Variants in PDIA3 observed in about 807,000 individuals in gnomAD.
PDIA3 encodes the protein protein disulfide-isomerase A3.
PDIA3 carries 16 observed loss-of-function variants against 56.9 expected under a neutral mutation model. The ratio of observed to expected loss-of-function variants is 0.28; its 90% CI spans 0.19 to 0.43. The LOEUF (loss-of-function observed/expected upper bound fraction) is 0.43, where lower values mean the gene tolerates loss of function less well. Ranked by LOEUF, PDIA3 falls within the 20% of genes least tolerant of loss-of-function variation. The pLI, the probability that PDIA3 is intolerant of heterozygous loss-of-function variation, is 1.00. For missense variants in PDIA3, 485 were observed against 621.3 expected (o/e 0.78, Z 2.33); for synonymous variants, 192 against 216.5 (o/e 0.89, Z 0.99).
At chr15:43,758,829 T>A (rs2086796334) in intron 3 of PDIA3, among the ~76,000 whole-genome samples, 2 of 151,374 alleles carry the variant, frequency 1.3e-5, no homozygotes, top group Non-Finnish European at 2.9e-5. Context: ...ATACAAAAAT[T>A]AGCTGGGCGT....
At position 43,756,753 on chromosome 15, in the gene PDIA3, AC is replaced by A; in HGVS notation, c.353del (p.Pro118LeufsTer11). ...DGEEAGAYDG[P>X]RTADGIVSHL... ...GTGAAGAAGCAGGTGCTTATGATGG[AC>A]CTAGGACTGCTGGTAAGGATCCTGA... On this transcript the variant is annotated frameshift_variant, in exon 3 of 13. Transcript: ENST00000300289. LOFTEE classifies it high-confidence loss of function. 6.4e-7 allele frequency: 1 copy of A among 1,570,424 alleles called. No individual in the cohort carries two copies. The highest frequency in any genetic ancestry group is 8.8e-7 in the Non-Finnish European group (1 of 1,142,322).
chr15:43,768,742 C>A, intron 9 of PDIA3, 145 bp downstream of exon 9: 1 of 614,408 alleles, frequency 1.6e-6, no homozygotes, highest in South Asian at 2.0e-5. Flanking sequence ...TAAGCATTGG[C>A]AGGCCAAGCG....
In PDIA3 at chr15:43,756,757, A is replaced by G. The variant is rs762646189; in HGVS notation, c.355A>G (p.Arg119Gly). Reference protein sequence around the residue: ...GEEAGAYDGPRTADGIVSHLK... With the variant: ...GEEAGAYDGPGTADGIVSHLK... Reference sequence around the variant, plus strand: ...AGAAGCAGGTGCTTATGATGGACCTAGGACTGCTGGTAAGGATCCTGAATT... The same window carrying G: ...AGAAGCAGGTGCTTATGATGGACCTGGGACTGCTGGTAAGGATCCTGAATT... Residue 119 changes from arginine to glycine, a missense_variant, in exon 3 of 13, where the codon AGG becomes GGG. Arg to Gly is a moderately radical substitution (Grantham distance 125, BLOSUM62 -2). Transcript: ENST00000300289. The G allele has an allele frequency of 6.4e-7, 1 of 1,555,112 alleles. No individual in the cohort carries two copies. The highest frequency in any genetic ancestry group is 8.9e-7 in the Non-Finnish European group (1 of 1,128,516).
At chr15:43,754,810 A>G (rs1048307635) in intron 2 of PDIA3, among the ~76,000 whole-genome samples, 2 of 151,988 alleles carry the variant, frequency 1.3e-5, no homozygotes, top group African/African-American at 4.8e-5. Context: ...TTCCATCTCT[A>G]CTAAAGATAC....
chr15:43,748,231 A>G (rs1235172505), intron 1 of PDIA3, among the ~76,000 whole-genome samples: 1 of 152,164 alleles, frequency 6.6e-6, no homozygotes, highest in Non-Finnish European at 1.5e-5. Flanking sequence ...TAATCCCAGC[A>G]CTTTGGGAGG....
intron 2 of PDIA3, among the ~76,000 whole-genome samples, chr15:43,756,071 G>T (rs1857736695): frequency 6.6e-6 from 1 of 152,102 alleles, no homozygotes; most frequent in African/African-American, 2.4e-5. Flanking sequence ...AAGTACTTGT[G>T]CCTGGGTTGG....
intron 2 of PDIA3, among the ~76,000 whole-genome samples, chr15:43,754,534 T>G (rs2086765095): frequency 6.6e-6 from 1 of 151,802 alleles, no homozygotes; most frequent in Non-Finnish European, 1.5e-5. Context: ...GTTTGTTGCC[T>G]GGGCAACAAA....
intron 11 of PDIA3, 92 bp from the exon 12 acceptor site, chr15:43,770,431 G>A (rs1265456580): frequency 1.8e-5 from 24 of 1,358,352 alleles, no homozygotes; most frequent in African/African-American, 1.4e-5. Context: ...ATATTCAGTT[G>A]AAGGCAGAAC....
At chr15:43,764,143 T>A (rs763127385) in intron 5 of PDIA3, among the ~76,000 whole-genome samples, 3 of 152,210 alleles carry the variant, frequency 2.0e-5, no homozygotes, top group Non-Finnish European at 4.4e-5. Context: ...TGGGAGTTAT[T>A]TATATCCTCC....
In PDIA3 at chr15:43,765,963, G is replaced by C; in HGVS notation, c.796G>C (p.Asp266His). The C allele has an allele frequency of 1.2e-6, 2 of 1,613,452 alleles. No homozygotes were observed. Among genetic ancestry groups the C allele is most frequent in the East Asian group, 2.2e-5 (1 of 44,798 alleles). ...CAAGGACTTACTTATTGCTTACTAT[G>C]ATGTGGACTATGAAAAGAACGCTAA... is the stretch of plus-strand genomic sequence containing the variant. ...QGKDLLIAYY[D>H]VDYEKNAKGS... The change falls in exon 7 of 13, where the codon GAT (aspartate) becomes CAT (histidine). Residue 266 changes from aspartate (D) to histidine (H), a missense_variant. By Grantham distance (81) the Asp-to-His change is moderately conservative. Transcript: ENST00000300289.
Position 43,766,022 on chromosome 15 carries a change from ATT to A in PDIA3, c.845+11_845+12del. ...ACTACTGGAGAAACAGGTAATAAGA[ATT>A]ATGTTTTTCCCTCATGAACAAGTTT... On this transcript the variant is annotated intron_variant, in intron 7 of 12. Coordinates refer to ENST00000300289, the MANE Select transcript of PDIA3 (RefSeq NM_005313.5). The A allele has an allele frequency of 1.9e-6, 3 of 1,612,374 alleles. No homozygotes were observed. Among genetic ancestry groups the A allele is most frequent in the Non-Finnish European group, 2.5e-6 (3 of 1,179,240 alleles).
At chr15:43,749,087 TTTTG>T (rs1567154363) in intron 1 of PDIA3, among the ~76,000 whole-genome samples, 6 of 148,748 alleles carry the variant, frequency 4.0e-5, no homozygotes, top group African/African-American at 1.5e-4. Flanking sequence ...TTTGTTTTTG[TTTTG>T]TTTTGTTTTG....
At chr15:43,749,087 T>C (rs765019712) in intron 1 of PDIA3, among the ~76,000 whole-genome samples, 20 of 148,860 alleles carry the variant, frequency 1.3e-4, no homozygotes, top group Admixed American at 4.6e-4. Flanking sequence ...TTTGTTTTTG[T>C]TTTGTTTTGT....
In PDIA3 at chr15:43,763,081, T is replaced by C. The variant is rs1376950315; in HGVS notation, c.477T>C (p.Phe159=). The C allele has an allele frequency of 1.9e-6, 3 of 1,613,848 alleles. No homozygotes were observed. The Admixed American group carries it at 5.0e-5, about 27-fold the overall frequency. Residue 159 remains phenylalanine (F), a synonymous_variant, in exon 5 of 13, where the codon TTT becomes TTC. Coordinates refer to ENST00000300289, the MANE Select transcript of PDIA3 (RefSeq NM_005313.5). ...TGTTTAATATTTTCTGTATAGGTTT[T>C]TTCGATGATTCATTCAGTGAGGCTC... is the stretch of plus-strand genomic sequence containing the variant. The part of the protein sequence containing the change: ...ISDKDASIVG[F]FDDSFSEAHS...
At chr15:43,757,831 C>T (rs1434125766) in intron 3 of PDIA3, among the ~76,000 whole-genome samples, 1 of 151,344 alleles carries the variant, frequency 6.6e-6, no homozygotes, top group East Asian at 2.0e-4. Flanking sequence ...CACAGCACTC[C>T]AGCCTGGGCA....
At chr15:43,762,833 A>G (rs573652225) in intron 4 of PDIA3, among the ~76,000 whole-genome samples, 1 of 152,330 alleles carries the variant, frequency 6.6e-6, no homozygotes, top group South Asian at 2.1e-4. Flanking sequence ...ATGGGAAAGT[A>G]AAATGAAGAC....
Position 43,753,911 on chromosome 15 carries a change from A to C in PDIA3, c.246+9A>C. 6.3e-7 allele frequency: 1 copy of C among 1,588,296 alleles called. No individual in the cohort carries two copies. The highest frequency in any genetic ancestry group is 1.3e-5 in the African/African-American group (1 of 74,544). Reference sequence around the variant, plus strand: ...TAGTCCCATTAGCAAAGGTAAGTACAGGTGGATTCTTCACTAAAGGACGTG... The same window carrying C: ...TAGTCCCATTAGCAAAGGTAAGTACCGGTGGATTCTTCACTAAAGGACGTG... On this transcript the variant is annotated intron_variant, in intron 2 of 12. Transcript: ENST00000300289.
intron 3 of PDIA3, among the ~76,000 whole-genome samples, chr15:43,760,232 A>G (rs2086805588): frequency 6.6e-6 from 1 of 152,034 alleles, no homozygotes; most frequent in African/African-American, 2.4e-5. Flanking sequence ...CTTTATAAAA[A>G]TACAAAAAAC....
Position 43,748,748 on chromosome 15 carries a change from A to ATTT in PDIA3, c.167+2048_167+2050dup, listed in dbSNP as rs935150505. Reference sequence around the variant, plus strand: ...TCTTTATTTCTTCACATTCCACTACATTTTTTTTGTGTGTGTGTTTGTGTA... The same window carrying ATTT: ...TCTTTATTTCTTCACATTCCACTACATTTTTTTTTTTGTGTGTGTGTTTGTGTA... On this transcript the variant is annotated intron_variant, in intron 1 of 12. Transcript: ENST00000300289. 2.7e-5 allele frequency among the ~76,000 whole-genome samples: 4 copies of ATTT among 147,744 alleles called. No homozygotes were observed. In the East Asian group the frequency reaches 6.1e-4, roughly 22 times the overall value.
Sources: allele counts gnomAD v4.1 joint callset (sites outside exome capture counted in the v4.1 genomes callset), GRCh38; gene constraint gnomAD v4.1.1; transcripts MANE v1.5; gene names NCBI Gene and HGNC (gene_info 2026-07-23, HGNC 2026-07-21).